NEXMIF: variants seen among roughly 807,000 people sequenced by gnomAD.
The protein encoded by NEXMIF is XLMR protein related to neurite extension.
Under a neutral mutation model 62.1 loss-of-function variants are expected in NEXMIF, and 8 were observed. That is an observed-to-expected ratio of 0.13 (90% CI 0.08 to 0.23). The LOEUF (loss-of-function observed/expected upper bound fraction) is 0.23. Ranked by LOEUF, NEXMIF falls within the 10% of genes least tolerant of loss-of-function variation. The pLI, the probability that NEXMIF is intolerant of heterozygous loss-of-function variation, is 1.00. For synonymous variants in NEXMIF, 404 were observed against 416.6 expected (o/e 0.97, Z 0.37); for missense variants, 976 against 1,113.3 (o/e 0.88, Z 1.75).
In NEXMIF at chrX:74,895,292, T is replaced by G. The variant is rs917715803; in HGVS notation, c.-48+29591A>C. 2.7e-5 allele frequency among the ~76,000 whole-genome samples: 3 copies of G among 111,825 alleles called. No individual in the cohort carries two copies. The Admixed American group carries it at 2.9e-4, about 11-fold the overall frequency. ...CTCTACAATGAAAAATATAAAGCAC[T>G]GATAAGAGAAATTGAAAAGGACACC... On this transcript the variant is annotated intron_variant, in intron 1 of 3. Coordinates refer to ENST00000055682, the MANE Select transcript of NEXMIF (RefSeq NM_001008537.3).
intron 1 of NEXMIF, among the ~76,000 whole-genome samples, chrX:74,873,802 G>C (rs1361071146): frequency 8.9e-6 from 1 of 111,771 alleles, no homozygotes; most frequent in African/African-American, 3.3e-5. Context: ...TTTCAGAAAT[G>C]TCTGTTCATG....
At chrX:74,833,363 T>C (rs1033404445) in intron 1 of NEXMIF, among the ~76,000 whole-genome samples, 1 of 112,189 alleles carries the variant, frequency 8.9e-6, no homozygotes, top group Non-Finnish European at 1.9e-5. Context: ...TATAATGATG[T>C]TCTTTGTGTC....
In NEXMIF at chrX:74,737,077, A is replaced by C. The variant is rs1461912171; in HGVS notation, c.*2328T>G. 8.9e-6 allele frequency: 1 copy of C among 112,023 alleles called. No individual in the cohort carries two copies. Among genetic ancestry groups the C allele is most frequent in the African/African-American group, 3.3e-5 (1 of 30,697 alleles). The allele number at this position is 112,023 out of a possible 1,213,427, so 9.2% of individuals were successfully genotyped here. On this transcript the variant is annotated 3_prime_UTR_variant, in exon 4 of 4. Transcript: ENST00000055682. ...CCCATATTTACTTTTATAAAAACAC[A>C]TTGTATTAATGGAACATTTTCTTTA...
chrX:74,818,596 A>G (rs886076744), intron 1 of NEXMIF, among the ~76,000 whole-genome samples: 4 of 112,329 alleles, frequency 3.6e-5, no homozygotes, highest in African/African-American at 6.5e-5. Flanking sequence ...TAACAAAAAC[A>G]AAAATTGACA....
At chrX:74,919,388 C>T (rs182197570) in intron 1 of NEXMIF, among the ~76,000 whole-genome samples, 1 of 111,005 alleles carries the variant, frequency 9.0e-6, no homozygotes, top group Non-Finnish European at 1.9e-5. Flanking sequence ...CTCATTATAC[C>T]CTCAAGTTTT....
At chrX:74,920,331 C>G (rs1467600475) in intron 1 of NEXMIF, among the ~76,000 whole-genome samples, 13 of 111,855 alleles carry the variant, frequency 1.2e-4, no homozygotes, top group East Asian at 2.9e-4. Flanking sequence ...ACTGGTGTGA[C>G]ATGGTATCTC....
At chrX:74,878,880 C>T (rs1219968063) in intron 1 of NEXMIF, among the ~76,000 whole-genome samples, 4 of 112,461 alleles carry the variant, frequency 3.6e-5, no homozygotes, top group Admixed American at 2.8e-4. Context: ...CTGACCTGCG[C>T]CCACTGTCTG....
intron 1 of NEXMIF, among the ~76,000 whole-genome samples, chrX:74,832,247 T>A (rs1338883921): frequency 8.9e-6 from 1 of 111,949 alleles, no homozygotes; most frequent in Non-Finnish European, 1.9e-5. Flanking sequence ...TTTTCTTTAC[T>A]AAGAGACTTT....
intron 1 of NEXMIF, among the ~76,000 whole-genome samples, chrX:74,812,374 T>G (rs2147475341): frequency 8.9e-6 from 1 of 112,156 alleles, no homozygotes; most frequent in East Asian, 2.8e-4. Flanking sequence ...TTAAAAAAAT[T>G]TATTTAAATA....
chrX:74,885,566 C>T (rs1339557629), intron 1 of NEXMIF, among the ~76,000 whole-genome samples: 4 of 111,084 alleles, frequency 3.6e-5, no homozygotes, highest in Admixed American at 9.6e-5. Flanking sequence ...ATAAATTCCT[C>T]GACACATACA....
chrX:74,821,104 A>C, intron 1 of NEXMIF, among the ~76,000 whole-genome samples: 1 of 110,236 alleles, frequency 9.1e-6, no homozygotes, highest in African/African-American at 3.3e-5. Flanking sequence ...GCTGTCCAGA[A>C]AAAAAAAATC....
intron 1 of NEXMIF, among the ~76,000 whole-genome samples, chrX:74,867,739 C>G (rs2080585414): frequency 8.9e-6 from 1 of 111,967 alleles, no homozygotes; most frequent in African/African-American, 3.2e-5. Context: ...GATTTAATGA[C>G]AAAGACATCA....
intron 1 of NEXMIF, among the ~76,000 whole-genome samples, chrX:74,874,096 G>A (rs1400060402): frequency 4.6e-5 from 5 of 107,828 alleles, no homozygotes; most frequent in African/African-American, 6.7e-5. Context: ...GTAATGCCTA[G>A]GTTTTCTTCT....
chrX:74,914,531 A>G (rs982472055), intron 1 of NEXMIF, among the ~76,000 whole-genome samples: 1 of 111,049 alleles, frequency 9.0e-6, no homozygotes, highest in Non-Finnish European at 1.9e-5. Flanking sequence ...AATTAGAAAA[A>G]TTGACCAGGC....
chrX:74,916,881 A>T (rs1285074675), intron 1 of NEXMIF, among the ~76,000 whole-genome samples: 2 of 111,364 alleles, frequency 1.8e-5, no homozygotes, highest in Admixed American at 1.9e-4. Context: ...AGACAGAAAA[A>T]TTCATTTTAT....
chrX:74,856,769 A>G (rs1401482547), intron 1 of NEXMIF, among the ~76,000 whole-genome samples: 1 of 111,997 alleles, frequency 8.9e-6, no homozygotes, highest in Non-Finnish European at 1.9e-5. Context: ...ACAGGGTAGG[A>G]AAGACAGTCT....
In NEXMIF at chrX:74,786,139, G is replaced by A. The variant is rs12115953; in HGVS notation, c.-47-40442C>T. ...AGATTTTCCACTGAGCGAGGGAAAT[G>A]GGCAGGCACCTGCCAGTGTAGCAAT... On this transcript the variant is annotated intron_variant, in intron 1 of 3. Coordinates refer to ENST00000055682, the MANE Select transcript of NEXMIF (RefSeq NM_001008537.3). Among the ~76,000 whole-genome samples the A allele has an allele frequency of 3.6e-3, 399 of 111,826 alleles. 1 individual carries two copies. Among genetic ancestry groups the A allele is most frequent in the African/African-American group, 0.01 (321 of 30,829 alleles).
intron 1 of NEXMIF, among the ~76,000 whole-genome samples, chrX:74,919,608 T>C (rs1056060073): frequency 9.0e-6 from 1 of 111,390 alleles, no homozygotes; most frequent in Non-Finnish European, 1.9e-5. Context: ...ATAAAATGAA[T>C]TGCTACACCT....
At chrX:74,914,335 C>G (rs1312197475) in intron 1 of NEXMIF, among the ~76,000 whole-genome samples, 1 of 111,673 alleles carries the variant, frequency 9.0e-6, no homozygotes, top group African/African-American at 3.3e-5. Flanking sequence ...GGGAGCTTTT[C>G]CCAGAGAAAT....
Sources: gnomAD v4.1 joint callset for allele counts (sites outside exome capture counted in the v4.1 genomes callset) on GRCh38, gnomAD v4.1.1 for gene constraint, MANE v1.5 for transcripts, NCBI Gene and HGNC (gene_info 2026-07-23, HGNC 2026-07-21) for gene names.